Variants in HYDIN observed in about 807,000 individuals in gnomAD.
The protein encoded by HYDIN is HYDIN axonemal central pair apparatus protein.
In HYDIN, 132 loss-of-function variants were observed where a neutral mutation model predicts 403.9. The observed-to-expected ratio is 0.33, with a 90% CI of 0.28 to 0.38. The LOEUF (loss-of-function observed/expected upper bound fraction) is 0.38, where lower values mean the gene tolerates loss of function less well. Ranked by LOEUF, HYDIN falls within the 10% of genes least tolerant of loss-of-function variation. HYDIN has a pLI of 1.00. For synonymous variants in HYDIN, 1,202 were observed against 1,891.7 expected (o/e 0.64, Z 9.46); for missense variants, 2,827 against 5,009.5 (o/e 0.56, Z 13.15).
chr16:70,860,740 T>C lies in HYDIN; in HGVS notation c.11939A>G (p.Asn3980Ser), dbSNP rs1030720032. Residue 3980 changes from asparagine to serine, a missense_variant, in exon 70 of 86, where the codon AAC (asparagine) becomes AGC (serine). Transcript: ENST00000393567. ...RGSSGGALDP[N>S]TRVIEFTTVG... The stretch of plus-strand genomic sequence containing the variant: ...AGTGGTGAACTCAATCACCCGGGTG[T>C]TTGGATCCAGAGCTCCCCCACTGGA... 8 of 568,016 alleles carry C rather than the reference T, an allele frequency of 1.4e-5. No individual in the cohort carries two copies. The highest frequency in any genetic ancestry group is 2.4e-5 in the Non-Finnish European group (8 of 330,122). 35.2% of individuals were successfully genotyped at this position (568,016 alleles called of 1,614,324 possible).
rs1325225145 is a variant in HYDIN at position 70,974,293 on chromosome 16, A to G, written c.4917T>C (p.Ser1639=). 1.9e-6 allele frequency: 3 copies of G among 1,595,574 alleles called. No individual in the cohort carries two copies. Among genetic ancestry groups the G allele is most frequent in the Non-Finnish European group, 1.7e-6 (2 of 1,173,420 alleles). Residue 1639 remains serine, a synonymous_variant, in exon 33 of 86, where the codon AGT becomes AGC. Transcript: ENST00000393567. ...DKRVLHETGF[S]TELDRVKNLP... ...GATTCTTTACACGATCTAGCTCAGT[A>G]CTGAATCCTGGACCAAGACAAAAAA...
chr16:70,865,181 G>C, intron 67 of HYDIN: 2 of 359,264 alleles, frequency 5.6e-6, no homozygotes, highest in Admixed American at 6.5e-5. Context: ...CTTCATTCTC[G>C]CTTCTTCACT....
At chr16:71,102,468 A>G (rs1350992266) in intron 10 of HYDIN, among the ~76,000 whole-genome samples, 4 of 152,004 alleles carry the variant, frequency 2.6e-5, no homozygotes, top group Non-Finnish European at 5.9e-5. Context: ...TCATTATCAG[A>G]ATTTTCACAT....
intron 45 of HYDIN, among the ~76,000 whole-genome samples, chr16:70,923,777 T>A (rs1425878187): frequency 6.9e-6 from 1 of 145,290 alleles, no homozygotes; most frequent in Non-Finnish European, 1.5e-5. Context: ...GCCGAGATCA[T>A]GCCACTGCAC....
intron 65 of HYDIN, among the ~76,000 whole-genome samples, chr16:70,870,953 C>T (rs1309565622): frequency 1.3e-5 from 2 of 151,972 alleles, no homozygotes; most frequent in African/African-American, 2.4e-5. Context: ...ATCACTTGAT[C>T]TTGGGAAGTG....
intron 10 of HYDIN, among the ~76,000 whole-genome samples, chr16:71,106,635 T>C (rs1322075324): frequency 6.6e-6 from 1 of 152,188 alleles, no homozygotes; most frequent in African/African-American, 2.4e-5. Context: ...GCCTCCCTTA[T>C]GACCAGTAGC....
At chr16:71,093,031 C>G (rs377375357) in intron 11 of HYDIN, among the ~76,000 whole-genome samples, 1 of 110,636 alleles carries the variant, frequency 9.0e-6, no homozygotes, top group African/African-American at 4.2e-5. Context: ...TTAGAAATCA[C>G]ACACACACAC....
intron 57 of HYDIN, among the ~76,000 whole-genome samples, chr16:70,891,275 G>T (rs1322832635): frequency 6.6e-6 from 1 of 152,038 alleles, no homozygotes; most frequent in East Asian, 1.9e-4. Context: ...TGCAACCTCC[G>T]CCTCTCAGGT....
At chr16:71,086,057 T>C (rs1201917016) in intron 12 of HYDIN, among the ~76,000 whole-genome samples, 4 of 152,224 alleles carry the variant, frequency 2.6e-5, no homozygotes, top group African/African-American at 9.6e-5. Flanking sequence ...ATATGTCTCA[T>C]GTCTTTTCTG....
chr16:71,127,817 C>T (rs1464276388), intron 9 of HYDIN, among the ~76,000 whole-genome samples: 9 of 152,226 alleles, frequency 5.9e-5, no homozygotes, highest in Non-Finnish European at 8.8e-5. Context: ...CTTGCACGCA[C>T]CAATCAATAA....
chr16:70,944,983 C>T (rs1289234753), intron 41 of HYDIN, among the ~76,000 whole-genome samples: 3 of 152,244 alleles, frequency 2.0e-5, no homozygotes, highest in African/African-American at 7.2e-5. Flanking sequence ...GAACTCCTGA[C>T]CTCAGGTGAT....
At chr16:70,916,619 C>T (rs538298855) in intron 47 of HYDIN, among the ~76,000 whole-genome samples, 33 of 152,282 alleles carry the variant, frequency 2.2e-4, no homozygotes, top group Non-Finnish European at 3.8e-4. Flanking sequence ...AGACTTGCTG[C>T]TCTATCCACC....
chr16:71,082,231 A>C (rs2082805830), intron 12 of HYDIN, among the ~76,000 whole-genome samples: 2 of 152,184 alleles, frequency 1.3e-5, no homozygotes, highest in Non-Finnish European at 1.5e-5. Context: ...TGTGGAGCTG[A>C]GAACAGATGA....
At chr16:71,076,518 C>T (rs1234674410) in intron 13 of HYDIN, among the ~76,000 whole-genome samples, 4 of 113,572 alleles carry the variant, frequency 3.5e-5, no homozygotes, top group Non-Finnish European at 1.6e-5. Context: ...TCCTGCCATG[C>T]TTGCTTGGTA....
intron 30 of HYDIN, 57 bp downstream of exon 30, chr16:70,978,857 A>G: frequency 2.1e-6 from 3 of 1,430,098 alleles, no homozygotes; most frequent in Non-Finnish European, 9.6e-7. Flanking sequence ...ACTCCTATGC[A>G]CTCTGCACGC....
intron 42 of HYDIN, among the ~76,000 whole-genome samples, chr16:70,943,074 A>C (rs2077732730): frequency 6.6e-6 from 1 of 152,230 alleles, no homozygotes; most frequent in Non-Finnish European, 1.5e-5. Context: ...TTGTGGCCCT[A>C]GTTGAGAACA....
At chr16:71,137,975 A>G (rs1356547623) in intron 7 of HYDIN, among the ~76,000 whole-genome samples, 1 of 151,990 alleles carries the variant, frequency 6.6e-6, no homozygotes, top group Non-Finnish European at 1.5e-5. Context: ...GATAGTGGCC[A>G]CATAAAAAGA....
rs2035971239 is a variant in HYDIN at position 70,818,211 on chromosome 16, GTC to G, written c.14658+129_14658+130del. 5.0e-6 allele frequency: 3 copies of G among 603,298 alleles called. No homozygotes were observed. The Admixed American group carries it at 8.7e-5, about 18-fold the overall frequency. The allele number at this position is 603,298 out of a possible 1,614,324, so 37.4% of individuals were successfully genotyped here. On this transcript the variant is annotated intron_variant, in intron 84 of 85. Transcript: ENST00000393567. ...AAAGGAACATGAGGGTGATTGTCCC[GTC>G]CTCTGCCTTCCTGACCACTGTCAGG...
chr16:70,872,695 T>C (rs2040206061), intron 64 of HYDIN, among the ~76,000 whole-genome samples: 1 of 79,292 alleles, frequency 1.3e-5, no homozygotes, highest in African/African-American at 5.9e-5. Flanking sequence ...ATCCATCATC[T>C]CCCTACCCAC....
Sources: gnomAD v4.1 joint callset for allele counts (sites outside exome capture counted in the v4.1 genomes callset) on GRCh38, gnomAD v4.1.1 for gene constraint, MANE v1.5 for transcripts, NCBI Gene and HGNC (gene_info 2026-07-23, HGNC 2026-07-21) for gene names.